The following HSPA12A variants were observed in gnomAD, a reference collection of about 807,000 sequenced individuals.
HSPA12A encodes the protein heat shock 70 kDa protein 12A.
In HSPA12A, 28 loss-of-function variants were observed where a neutral mutation model predicts 69.2. The observed-to-expected ratio is 0.40, with a 90% CI of 0.30 to 0.55. HSPA12A has a LOEUF of 0.55. Ranked by LOEUF, HSPA12A falls within the 20% of genes least tolerant of loss-of-function variation. HSPA12A has a pLI of 0.38. For synonymous variants in HSPA12A, 345 were observed against 370.5 expected (o/e 0.93, Z 0.79); for missense variants, 686 against 900.7 (o/e 0.76, Z 3.05).
chr10:116,751,012 A>AGAG, intron 2 of HSPA12A, among the ~76,000 whole-genome samples: 1 of 144,238 alleles, frequency 6.9e-6, no homozygotes, highest in South Asian at 2.2e-4. Context: ...AAGAACATGA[A>AGAG]GAAGAAGAAG....
chr10:116,680,531 G>A (rs1589621496), intron 9 of HSPA12A, among the ~76,000 whole-genome samples: 1 of 152,294 alleles, frequency 6.6e-6, no homozygotes, highest in Non-Finnish European at 1.5e-5. Context: ...TGTCACCCAA[G>A]TTGGAGTGCA....
At chr10:116,748,969 G>A (rs1851711541) in intron 2 of HSPA12A, among the ~76,000 whole-genome samples, 1 of 152,094 alleles carries the variant, frequency 6.6e-6, no homozygotes, top group Non-Finnish European at 1.5e-5. Flanking sequence ...CTCCTCATCT[G>A]CAGAGCAGAC....
At chr10:116,821,310 G>A (rs1002706689) in intron 2 of HSPA12A, among the ~76,000 whole-genome samples, 1 of 152,074 alleles carries the variant, frequency 6.6e-6, no homozygotes, top group South Asian at 2.1e-4. Flanking sequence ...TAACACACAA[G>A]GCACCTCCTA....
At chr10:116,843,674 A>T (rs1845837369) in intron 1 of HSPA12A, among the ~76,000 whole-genome samples, 1 of 152,188 alleles carries the variant, frequency 6.6e-6, no homozygotes, top group South Asian at 2.1e-4. Flanking sequence ...AGGCTTCATC[A>T]TTCTCTTTCT....
At chr10:116,846,993 T>G (rs1845899530) in intron 1 of HSPA12A, among the ~76,000 whole-genome samples, 1 of 152,170 alleles carries the variant, frequency 6.6e-6, no homozygotes, top group Non-Finnish European at 1.5e-5. Context: ...AAAACGATTT[T>G]CCCCCTTTGC....
At chr10:116,734,124 CA>C (rs1851240159) in intron 1 of HSPA12A, among the ~76,000 whole-genome samples, 2 of 152,086 alleles carry the variant, frequency 1.3e-5, no homozygotes, top group African/African-American at 2.4e-5. Context: ...ATGCAAAACC[CA>C]ACAGGGCACA....
intron 2 of HSPA12A, among the ~76,000 whole-genome samples, chr10:116,706,583 G>A (rs557590496): frequency 1.3e-5 from 2 of 152,188 alleles, no homozygotes; most frequent in East Asian, 1.9e-4. Context: ...CCTGTCTTCC[G>A]GGCACTCACT....
chr10:116,825,186 C>CA (rs34479568), intron 2 of HSPA12A, among the ~76,000 whole-genome samples: 44,360 of 124,762 alleles, frequency 0.36, 8,227 homozygotes, highest in Middle Eastern at 0.5. Flanking sequence ...GACCTTGTCT[C>CA]AAAAAAAAAA....
At chr10:116,676,549 G>A (rs781884715) in intron 10 of HSPA12A, 47 bp from the exon 11 acceptor site, 25 of 1,421,842 alleles carry the variant, frequency 1.8e-5, no homozygotes, top group South Asian at 2.3e-5. Flanking sequence ...GGGTCTACAC[G>A]ATACCCAGGC....
intron 2 of HSPA12A, among the ~76,000 whole-genome samples, chr10:116,781,048 T>C (rs1393461314): frequency 6.6e-6 from 1 of 152,188 alleles, no homozygotes; most frequent in African/African-American, 2.4e-5. Flanking sequence ...GAGGGTCGCT[T>C]GAGGCCAGGA....
intron 1 of HSPA12A, chr10:116,835,122 C>G (rs1845686405): frequency 3.2e-6 from 2 of 626,462 alleles, no homozygotes; most frequent in Non-Finnish European, 4.4e-6. Context: ...TTGTAAGAGG[C>G]AGCACCCGGC....
intron 2 of HSPA12A, among the ~76,000 whole-genome samples, chr10:116,807,306 T>C (rs1323786438): frequency 2.6e-5 from 4 of 152,064 alleles, no homozygotes; most frequent in Non-Finnish European, 4.4e-5. Context: ...CTAACGGCCA[T>C]AGCTCCTTTC....
intron 2 of HSPA12A, among the ~76,000 whole-genome samples, chr10:116,781,357 A>AATG (rs1181358773): frequency 0.014 from 2,157 of 151,820 alleles, 57 homozygotes; most frequent in African/African-American, 0.049. Flanking sequence ...AATCAGTGCC[A>AATG]ATGATGATGA....
chr10:116,847,494 C>T (rs1192150037), intron 1 of HSPA12A, among the ~76,000 whole-genome samples: 3 of 152,094 alleles, frequency 2.0e-5, no homozygotes, highest in African/African-American at 4.8e-5. Flanking sequence ...AATGGGATTC[C>T]AGCTTCTTCA....
chr10:116,776,881 A>G (rs782532961), intron 2 of HSPA12A, among the ~76,000 whole-genome samples: 2 of 152,244 alleles, frequency 1.3e-5, no homozygotes, highest in Admixed American at 6.5e-5. Flanking sequence ...GAGGCATCAT[A>G]TAAGATGCTT....
chr10:116,729,717 T>C (rs909500448), intron 1 of HSPA12A, among the ~76,000 whole-genome samples: 1 of 152,180 alleles, frequency 6.6e-6, no homozygotes, highest in African/African-American at 2.4e-5. Context: ...CATGGATAAG[T>C]GGACCTGTGC....
In HSPA12A at chr10:116,813,231, G is replaced by C. The variant is rs979645739; in HGVS notation, c.91+21704C>G. ...TACTTTATCTGCCGTTAAAGAAAGAGGCCATCCAGAGCTCTATTTTTTTTT... is the reference window on the plus strand; with the variant it reads ...TACTTTATCTGCCGTTAAAGAAAGACGCCATCCAGAGCTCTATTTTTTTTT... On this transcript the variant is annotated intron_variant, in intron 2 of 12. Coordinates refer to the HSPA12A transcript ENST00000635765. 4.8e-5 allele frequency among the ~76,000 whole-genome samples: 7 copies of C among 144,492 alleles called. 1 individual carries two copies. Among genetic ancestry groups the C allele is most frequent in the Non-Finnish European group, 9.0e-5 (6 of 66,784 alleles). The allele number at this position is 144,492 out of a possible 152,430, so 94.8% of individuals were successfully genotyped here. A position where few individuals can be genotyped will look rare whatever the true frequency, so the allele number is the denominator to read the frequency against.
chr10:116,781,771 C>T (rs1443050522), intron 2 of HSPA12A, among the ~76,000 whole-genome samples: 2 of 152,180 alleles, frequency 1.3e-5, no homozygotes, highest in Non-Finnish European at 2.9e-5. Flanking sequence ...TGGGCTCTGC[C>T]TTTTCTGAGG....
intron 2 of HSPA12A, among the ~76,000 whole-genome samples, chr10:116,787,440 C>CAAAAAAAAAAAAAAAAAAAAAAAAAA (rs776783179): frequency 1.5e-5 from 1 of 68,624 alleles, no homozygotes. Flanking sequence ...CTCTAGCCAG[C>CAAAAAAAAAAAAAAAAAAAAAAAAAA]AAAAAAAAAA....
Sources: allele counts gnomAD v4.1 joint callset (sites outside exome capture counted in the v4.1 genomes callset), GRCh38; gene constraint gnomAD v4.1.1; transcripts MANE v1.5; gene names NCBI Gene and HGNC (gene_info 2026-07-23, HGNC 2026-07-21).